Variants in DNM3 observed in about 807,000 individuals in gnomAD.
DNM3 encodes the protein dynamin-3.
DNM3 carries 47 observed loss-of-function variants against 101.6 expected under a neutral mutation model. The ratio of observed to expected loss-of-function variants is 0.46; its 90% CI spans 0.37 to 0.59. The LOEUF (loss-of-function observed/expected upper bound fraction) is 0.59. DNM3 is among the 20% of genes least tolerant of loss of function. DNM3 has a pLI of 0.00. For missense variants in DNM3, 849 were observed against 1,085.7 expected (o/e 0.78, Z 3.06); for synonymous variants, 385 against 387.9 (o/e 0.99, Z 0.09).
intron 4 of DNM3, among the ~76,000 whole-genome samples, chr1:172,030,210 T>C (rs2048502778): frequency 6.6e-6 from 1 of 151,988 alleles, no homozygotes; most frequent in African/African-American, 2.4e-5. Flanking sequence ...AAAACAGATA[T>C]ATAGACCAAT....
chr1:172,411,170 A>C lies in DNM3; in HGVS notation c.*3329A>C, dbSNP rs1431819118. 3.0e-6 allele frequency: 3 copies of C among 985,124 alleles called. No individual in the cohort carries two copies. In the African/African-American group the frequency reaches 5.2e-5, roughly 17 times the overall value. The allele number at this position is 985,124 out of a possible 1,614,324, so 61.0% of individuals were successfully genotyped here. ...ATGTGTGGTATCAGGATATTTTTTA[A>C]ACTGTGATAATACAACAGATAGCTT... On this transcript the variant is annotated 3_prime_UTR_variant, in exon 21 of 21. Coordinates refer to ENST00000627582, the MANE Select transcript of DNM3 (RefSeq NM_015569.5).
intron 16 of DNM3, among the ~76,000 whole-genome samples, chr1:172,312,874 A>G (rs1310254489): frequency 6.6e-6 from 1 of 152,166 alleles, no homozygotes; most frequent in East Asian, 1.9e-4. Flanking sequence ...GGATTTTCTA[A>G]TTACTTTTAT....
At chr1:172,002,482 C>T (rs1045766760) in intron 4 of DNM3, among the ~76,000 whole-genome samples, 18 of 151,994 alleles carry the variant, frequency 1.2e-4, no homozygotes, top group Admixed American at 6.6e-4. Context: ...ACAAGACAAA[C>T]GCTAAGTCAT....
chr1:172,155,781 A>G (rs1176899965), intron 14 of DNM3, among the ~76,000 whole-genome samples: 3 of 152,122 alleles, frequency 2.0e-5, no homozygotes, highest in African/African-American at 7.2e-5. Flanking sequence ...CTAAGGGGCA[A>G]AAACAATTGT....
chr1:171,915,087 C>T (rs2039612344), intron 1 of DNM3, among the ~76,000 whole-genome samples: 1 of 152,220 alleles, frequency 6.6e-6, no homozygotes, highest in African/African-American at 2.4e-5. Context: ...ACTGTTATAT[C>T]TCCAGTGTCT....
intron 15 of DNM3, among the ~76,000 whole-genome samples, chr1:172,259,657 A>G (rs2062561763): frequency 6.6e-6 from 1 of 152,082 alleles, no homozygotes; most frequent in African/African-American, 2.4e-5. Context: ...AATTTCTTGT[A>G]AGCAGCATAT....
At chr1:172,241,152 A>G (rs1309779581) in intron 14 of DNM3, among the ~76,000 whole-genome samples, 1 of 151,888 alleles carries the variant, frequency 6.6e-6, no homozygotes, top group Non-Finnish European at 1.5e-5. Flanking sequence ...AAGTTGCTCA[A>G]ATGCCATCTC....
At chr1:171,976,823 C>T (rs935100369) in intron 2 of DNM3, among the ~76,000 whole-genome samples, 5 of 152,020 alleles carry the variant, frequency 3.3e-5, no homozygotes, top group African/African-American at 7.2e-5. Flanking sequence ...TTTTTAGTTA[C>T]GTATTTATAT....
intron 15 of DNM3, among the ~76,000 whole-genome samples, chr1:172,271,849 A>G (rs2063100016): frequency 6.6e-6 from 1 of 152,174 alleles, no homozygotes; most frequent in Non-Finnish European, 1.5e-5. Context: ...CCAAATGTTT[A>G]TACATTTCAT....
At chr1:172,360,545 C>A (rs184828296) in intron 17 of DNM3, among the ~76,000 whole-genome samples, 2 of 152,094 alleles carry the variant, frequency 1.3e-5, no homozygotes, top group East Asian at 3.9e-4. Context: ...AATATTCAAG[C>A]TCTCCCTTTC....
intron 4 of DNM3, among the ~76,000 whole-genome samples, chr1:172,026,687 G>C (rs1458268309): frequency 3.3e-5 from 5 of 151,628 alleles, no homozygotes; most frequent in African/African-American, 1.2e-4. Flanking sequence ...CAGAATCTTG[G>C]TTTGTTACCC....
At chr1:171,964,830 A>G (rs2043456838) in intron 2 of DNM3, among the ~76,000 whole-genome samples, 1 of 151,652 alleles carries the variant, frequency 6.6e-6, no homozygotes, top group Admixed American at 6.6e-5. Context: ...TGGTCCCCTC[A>G]GTGATTTCTC....
intron 14 of DNM3, among the ~76,000 whole-genome samples, chr1:172,191,075 T>A (rs992372339): frequency 2.6e-5 from 4 of 152,086 alleles, no homozygotes; most frequent in Non-Finnish European, 5.9e-5. Flanking sequence ...GTTGTTTTAG[T>A]CATGAAGTCC....
At chr1:172,112,555 T>G (rs1000880777) in intron 13 of DNM3, among the ~76,000 whole-genome samples, 1 of 152,232 alleles carries the variant, frequency 6.6e-6, no homozygotes, top group African/African-American at 2.4e-5. Context: ...CTTCAGTCTT[T>G]CCATTTTCCA....
intron 1 of DNM3, among the ~76,000 whole-genome samples, chr1:171,853,460 C>G (rs375855723): frequency 1.9e-4 from 29 of 152,118 alleles, no homozygotes; most frequent in African/African-American, 7.0e-4. Flanking sequence ...AACCACTGTG[C>G]CTGGTCTGTA....
At chr1:172,320,954 A>ATTTTT (rs1414612713) in intron 16 of DNM3, among the ~76,000 whole-genome samples, 1 of 152,308 alleles carries the variant, frequency 6.6e-6, no homozygotes, top group Non-Finnish European at 1.5e-5. Flanking sequence ...TATTAGCTGT[A>ATTTTT]TATATAAGTG....
intron 17 of DNM3, 64 bp from the exon 18 acceptor site, chr1:172,378,954 C>T: frequency 6.6e-7 from 1 of 1,524,682 alleles, no homozygotes; most frequent in Non-Finnish European, 8.9e-7. Context: ...CTGATAACGA[C>T]TGACATTTTA....
At chr1:171,923,092 ACT>A (rs1373315407) in intron 2 of DNM3, among the ~76,000 whole-genome samples, 1 of 152,054 alleles carries the variant, frequency 6.6e-6, no homozygotes, top group African/African-American at 2.4e-5. Flanking sequence ...CCATGTAGTA[ACT>A]CTCTGTTTAA....
chr1:172,387,050 ACTC>A lies in DNM3; in HGVS notation c.2059-82_2059-80del, dbSNP rs368757734. Reference sequence around the variant, plus strand: ...GTGGACTTTGGTGGACTTTGTCCAGACTCTGACTGCCACAGCCATGTTTCTACC... The same window carrying A: ...GTGGACTTTGGTGGACTTTGTCCAGATGACTGCCACAGCCATGTTTCTACC... On this transcript the variant is annotated intron_variant, in intron 18 of 20. Transcript: ENST00000627582. 1.9e-4 allele frequency: 224 copies of A among 1,195,494 alleles called. 2 individuals carry two copies. The East Asian group carries it at 4.1e-3, about 22-fold the overall frequency. 74.1% of individuals were successfully genotyped at this position (1,195,494 alleles called of 1,614,324 possible).
Sources: allele counts gnomAD v4.1 joint callset (sites outside exome capture counted in the v4.1 genomes callset), GRCh38; gene constraint gnomAD v4.1.1; transcripts MANE v1.5; gene names NCBI Gene and HGNC (gene_info 2026-07-23, HGNC 2026-07-21).